RBFOX1: variants seen among roughly 807,000 people sequenced by gnomAD.
The protein encoded by RBFOX1 is RNA binding fox-1 homolog 1.
RBFOX1 carries 8 observed loss-of-function variants against 57.7 expected under a neutral mutation model. That is an observed-to-expected ratio of 0.14 (90% confidence interval 0.08 to 0.25). The LOEUF (loss-of-function observed/expected upper bound fraction) is 0.25, where lower values mean the gene tolerates loss of function less well. Among genes scored for constraint, RBFOX1 ranks in the 10% least tolerant of loss-of-function variants. RBFOX1 has a pLI of 1.00. For synonymous variants in RBFOX1, 326 were observed against 222.4 expected, an observed-to-expected ratio of 1.47 and a Z score of -4.15; for missense variants, 611 against 548.5, an observed-to-expected ratio of 1.11 and a Z score of -1.14.
chr16:5,451,107 G>A (rs1233689536), intron 1 of RBFOX1, among the ~76,000 whole-genome samples: 1 of 152,188 alleles, frequency 6.6e-6, no homozygotes, highest in Non-Finnish European at 1.5e-5. Flanking sequence ...TTGAGTCCCT[G>A]AACCACAGCC....
intron 1 of RBFOX1, among the ~76,000 whole-genome samples, chr16:6,112,381 G>C (rs755513859): frequency 6.6e-6 from 1 of 152,126 alleles, no homozygotes; most frequent in Admixed American, 6.6e-5. Flanking sequence ...AGTCACTTGA[G>C]TAATAAAGGT....
chr16:7,425,610 T>G (rs2149454394), intron 4 of RBFOX1, among the ~76,000 whole-genome samples: 1 of 152,332 alleles, frequency 6.6e-6, no homozygotes, highest in South Asian at 2.1e-4. Context: ...CTCATTCTGT[T>G]TCTAAACTTC....
chr16:7,644,437 C>T (rs571074781), intron 11 of RBFOX1, among the ~76,000 whole-genome samples: 1 of 152,226 alleles, frequency 6.6e-6, no homozygotes, highest in Non-Finnish European at 1.5e-5. Context: ...CCAGTTATCA[C>T]TGCCTGGGTT....
At chr16:7,167,144 C>T (rs1308914129) in intron 4 of RBFOX1, among the ~76,000 whole-genome samples, 1 of 151,234 alleles carries the variant, frequency 6.6e-6, no homozygotes, top group African/African-American at 2.4e-5. Context: ...TGTCATCATA[C>T]GTGGCTAATT....
rs545647596 is a variant in RBFOX1, at chr16:6,684,445, A to G, written c.-16+29795A>G. On this transcript the variant is annotated intron_variant, in intron 3 of 15. Transcript: ENST00000550418. The stretch of plus-strand genomic sequence containing the variant: ...ATAGGAGAGGGAATATCAAGATGCA[A>G]TCAATTGCTGGCCACGGCAAACCTC... Among the ~76,000 whole-genome samples, 37 of 152,342 alleles carry G rather than the reference A, an allele frequency of 2.4e-4. No individual in the cohort carries two copies. The South Asian group carries it at 3.1e-3, about 13-fold the overall frequency.
chr16:5,767,265 A>G (rs2053816255), intron 3 of RBFOX1, among the ~76,000 whole-genome samples: 1 of 152,200 alleles, frequency 6.6e-6, no homozygotes, highest in African/African-American at 2.4e-5. Flanking sequence ...TATTTTCCTG[A>G]CTTCAGGGAG....
At chr16:5,509,741 C>A (rs561149240) in intron 2 of RBFOX1, among the ~76,000 whole-genome samples, 2 of 152,200 alleles carry the variant, frequency 1.3e-5, no homozygotes, top group East Asian at 1.9e-4. Flanking sequence ...CAGGCGTGGA[C>A]GTTAAGGCCA....
chr16:6,854,047 G>A (rs763717557), intron 3 of RBFOX1, among the ~76,000 whole-genome samples: 6 of 152,160 alleles, frequency 3.9e-5, no homozygotes, highest in Non-Finnish European at 8.8e-5. Context: ...AGGCAGTTAA[G>A]TCTTTGTTCC....
chr16:7,184,276 A>G (rs551018002), intron 4 of RBFOX1, among the ~76,000 whole-genome samples: 20 of 152,322 alleles, frequency 1.3e-4, no homozygotes, highest in African/African-American at 3.4e-4. Context: ...TTTTAGGACA[A>G]TAGGAAGCTG....
chr16:6,875,851 A>C (rs962065369), intron 3 of RBFOX1, among the ~76,000 whole-genome samples: 4 of 152,058 alleles, frequency 2.6e-5, no homozygotes, highest in Non-Finnish European at 4.4e-5. Context: ...CAAAAAAATT[A>C]GCCAGTCATG....
rs577366887 is a variant in RBFOX1 at position 5,740,730 on chromosome 16, A to G, written c.319-126573A>G. Among the ~76,000 whole-genome samples, 83 of 152,264 alleles carry G rather than the reference A, an allele frequency of 5.5e-4. 1 individual carries two copies. Among genetic ancestry groups the G allele is most frequent in the South Asian group, 4.6e-3 (22 of 4,826 alleles). ...TCTAAGGTGAGCTGTCATGGTGGCAAAAGGGCTGTGGGTACTCTAATCCAC... is the reference window on the plus strand; with the variant it reads ...TCTAAGGTGAGCTGTCATGGTGGCAGAAGGGCTGTGGGTACTCTAATCCAC... On this transcript the variant is annotated intron_variant, in intron 3 of 19. Coordinates refer to the RBFOX1 transcript ENST00000641259.
At chr16:5,265,566 A>G (rs1394213863) in intron 1 of RBFOX1, among the ~76,000 whole-genome samples, 1 of 152,228 alleles carries the variant, frequency 6.6e-6, no homozygotes, top group Non-Finnish European at 1.5e-5. Context: ...ATAAAAGAAA[A>G]TTGACAATAA....
intron 3 of RBFOX1, among the ~76,000 whole-genome samples, chr16:6,960,867 C>G (rs969687534): frequency 1.3e-5 from 2 of 151,440 alleles, no homozygotes. Flanking sequence ...GGTGCAGTGG[C>G]TCACATCTGT....
At chr16:7,670,309 G>T (rs527611744) in intron 13 of RBFOX1, among the ~76,000 whole-genome samples, 1 of 152,282 alleles carries the variant, frequency 6.6e-6, no homozygotes, top group African/African-American at 2.4e-5. Flanking sequence ...TAGGATTACA[G>T]GTGTCAGCCA....
intron 4 of RBFOX1, among the ~76,000 whole-genome samples, chr16:7,315,467 C>CCCT (rs60940446): frequency 1.9e-4 from 28 of 149,898 alleles, no homozygotes; most frequent in Admixed American, 6.0e-4. Flanking sequence ...CCCCCCCCCC[C>CCCT]ATACTGGGGG....
chr16:5,999,638 G>C lies in RBFOX1; in HGVS notation c.351+132303G>C, dbSNP rs529238630. 4.6e-5 allele frequency among the ~76,000 whole-genome samples: 7 copies of C among 152,182 alleles called. No individual in the cohort carries two copies. The South Asian group carries it at 1.5e-3, about 32-fold the overall frequency. On this transcript the variant is annotated intron_variant, in intron 4 of 19. Transcript: ENST00000641259. ...GCACTTTGGGAGGCTGAGGTGGGCG[G>C]ATCACGAGGTCAGGAGATCGAGACC... is the stretch of plus-strand genomic sequence containing the variant.
intron 3 of RBFOX1, among the ~76,000 whole-genome samples, chr16:6,984,220 C>G (rs1005865978): frequency 1.3e-5 from 2 of 152,158 alleles, no homozygotes; most frequent in Non-Finnish European, 2.9e-5. Flanking sequence ...GCACTCCAGC[C>G]TACGCAACAA....
At chr16:7,000,892 G>T (rs776701067) in intron 3 of RBFOX1, among the ~76,000 whole-genome samples, 2 of 152,016 alleles carry the variant, frequency 1.3e-5, no homozygotes, top group Non-Finnish European at 2.9e-5. Flanking sequence ...GTGAGCCACC[G>T]CACCTGGGAA....
intron 3 of RBFOX1, among the ~76,000 whole-genome samples, chr16:5,811,473 A>C (rs775445658): frequency 7.0e-6 from 1 of 141,922 alleles, no homozygotes; most frequent in Admixed American, 7.2e-5. Flanking sequence ...TTTTTTTAAG[A>C]TGGAATCTCA....
Sources: gnomAD v4.1 joint callset for allele counts (sites outside exome capture counted in the v4.1 genomes callset) on GRCh38, gnomAD v4.1.1 for gene constraint, MANE v1.5 for transcripts, NCBI Gene and HGNC (gene_info 2026-07-23, HGNC 2026-07-21) for gene names.